DOK4: variants seen among roughly 807,000 people sequenced by gnomAD.
DOK4 encodes downstream of tyrosine kinase 4.
A neutral mutation model predicts 40.1 loss-of-function variants in DOK4; 26 were observed. That is an observed-to-expected ratio of 0.65 (90% CI 0.48 to 0.90). DOK4 has a LOEUF of 0.90. Among genes scored for constraint, DOK4 ranks in the 40% least tolerant of loss-of-function variants. The pLI, the probability that DOK4 is intolerant of heterozygous loss-of-function variation, is 0.00. For synonymous variants in DOK4, 179 were observed against 177.0 expected (o/e 1.01, Z -0.09); for missense variants, 392 against 437.2 (o/e 0.90, Z 0.92).
rs2031315599 is a variant in DOK4, at chr16:57,479,200, C to T, written c.66+242G>A. Among the ~76,000 whole-genome samples the T allele has an allele frequency of 6.6e-6, 1 of 152,248 alleles. No individual in the cohort carries two copies. Among genetic ancestry groups the T allele is most frequent in the African/African-American group, 2.4e-5 (1 of 41,462 alleles). On this transcript the variant is annotated intron_variant, in intron 2 of 8. Transcript: ENST00000340099. The surrounding 1 kb of genome is among the most constrained non-coding windows in gnomAD (Gnocchi z 5.8). ...GTGGCCACCATTGCTGCCACTACCACCACCACTGGCCCAGCTGTTGGGATG... is the reference window on the plus strand; with the variant it reads ...GTGGCCACCATTGCTGCCACTACCATCACCACTGGCCCAGCTGTTGGGATG...
At chr16:57,472,550 G>A (rs1179506604) in exon 9 of DOK4, 1 of 152,638 alleles carries the variant, frequency 6.6e-6, no homozygotes, top group East Asian at 1.9e-4. Flanking sequence ...GTCAGTGAGA[G>A]GGGGGCAGCA....
At position 57,475,965 on chromosome 16, in the gene DOK4, G is replaced by A; in HGVS notation, c.67-8C>T. On this transcript the variant is annotated splice_region_variant and splice_polypyrimidine_tract_variant and intron_variant, in intron 2 of 8. Coordinates refer to ENST00000340099, the Ensembl canonical transcript of DOK4. ...CCAGCACCTCCGGTAGATCTGTGGA[G>A]CGAGATGACAGGGCTCAGGCCTCCC... The A allele has an allele frequency of 1.2e-6, 2 of 1,610,470 alleles. No homozygotes were observed. The highest frequency in any genetic ancestry group is 1.3e-5 in the African/African-American group (1 of 74,910).
intron 1 of DOK4, among the ~76,000 whole-genome samples, chr16:57,481,262 G>A (rs1357372226): frequency 6.6e-6 from 1 of 152,154 alleles, no homozygotes; most frequent in Non-Finnish European, 1.5e-5. Context: ...ACGCAAACAA[G>A]GGAGGGGCAG....
chr16:57,484,901 C>T (rs979207020), intron 1 of DOK4, among the ~76,000 whole-genome samples: 6 of 152,268 alleles, frequency 3.9e-5, no homozygotes, highest in Admixed American at 3.3e-4. Context: ...TCTGGAATGT[C>T]AGCTCCCTGG....
intron 1 of DOK4, among the ~76,000 whole-genome samples, chr16:57,482,238 G>A (rs907229348): frequency 2.6e-5 from 4 of 151,894 alleles, no homozygotes; most frequent in Admixed American, 6.6e-5. Context: ...CACGGCTTAC[G>A]GCAGCCTCAA....
chr16:57,475,636 C>T lies in DOK4; in HGVS notation c.175-16G>A. 1 of 1,559,082 alleles carries T rather than the reference C, an allele frequency of 6.4e-7. No individual in the cohort carries two copies. Among genetic ancestry groups the T allele is most frequent in the Non-Finnish European group, 8.7e-7 (1 of 1,148,710 alleles). On this transcript the variant is annotated splice_polypyrimidine_tract_variant and intron_variant, in intron 3 of 8. Coordinates refer to ENST00000340099, the Ensembl canonical transcript of DOK4. Reference sequence around the variant, plus strand: ...TCTCAGTCACCTGGGACAGCATCCACAAGGGACTTAGCCAGGCCAGTGCAT... The same window carrying T: ...TCTCAGTCACCTGGGACAGCATCCATAAGGGACTTAGCCAGGCCAGTGCAT...
chr16:57,480,884 A>G (rs1385598496), intron 1 of DOK4, among the ~76,000 whole-genome samples: 1 of 152,240 alleles, frequency 6.6e-6, no homozygotes, highest in African/African-American at 2.4e-5. Flanking sequence ...CCTGGGGCAG[A>G]GCCAGGGATG....
chr16:57,475,051 T>C, intron 5 of DOK4, 49 bp downstream of exon 5: 3 of 1,544,890 alleles, frequency 1.9e-6, no homozygotes, highest in Non-Finnish European at 1.8e-6. Flanking sequence ...CCTCCCTTCC[T>C]CTCTTCCTCC....
At chr16:57,477,539 C>T (rs1412749426) in intron 2 of DOK4, among the ~76,000 whole-genome samples, 2 of 152,248 alleles carry the variant, frequency 1.3e-5, no homozygotes, top group African/African-American at 4.8e-5. Flanking sequence ...CCAGGGTGGG[C>T]TCCATGCAGC....
chr16:57,485,471 G>T lies in DOK4; in HGVS notation c.-182+834C>A, dbSNP rs1268750746. On this transcript the variant is annotated intron_variant, in intron 1 of 8. Transcript: ENST00000340099. This position sits in a 1 kb window ranked among gnomAD's most constrained non-coding sequence, Gnocchi z 4.3. Reference sequence around the variant, plus strand: ...TCTGAAAGGGTCCAGGAAAGAACCTGCCCTAAGCAAGCCCACCTCACACTG... The same window carrying T: ...TCTGAAAGGGTCCAGGAAAGAACCTTCCCTAAGCAAGCCCACCTCACACTG... Among the ~76,000 whole-genome samples the T allele has an allele frequency of 6.6e-6, 1 of 152,182 alleles. No individual in the cohort carries two copies. The highest frequency in any genetic ancestry group is 1.5e-5 in the Non-Finnish European group (1 of 68,018).
intron 1 of DOK4, among the ~76,000 whole-genome samples, chr16:57,483,082 G>A (rs2031460721): frequency 1.3e-5 from 2 of 152,174 alleles, no homozygotes; most frequent in Non-Finnish European, 2.9e-5. Flanking sequence ...AGGGACCCCT[G>A]GCCACACTTA....
At chr16:57,474,764 G>T (rs1454724816) in intron 6 of DOK4, 29 bp downstream of exon 6, 1 of 1,608,442 alleles carries the variant, frequency 6.2e-7, no homozygotes, top group East Asian at 2.2e-5. Flanking sequence ...ACCATAGTAG[G>T]ACAGGGCTGG....
chr16:57,472,086 C>T (rs369833541), exon 9 of DOK4: 3 of 152,882 alleles, frequency 2.0e-5, no homozygotes, highest in African/African-American at 7.2e-5. Flanking sequence ...ACCCCAGTTC[C>T]CCTCTACAGG....
chr16:57,478,921 A>T (rs1435578000), intron 2 of DOK4, among the ~76,000 whole-genome samples: 1 of 152,198 alleles, frequency 6.6e-6, no homozygotes, highest in Non-Finnish European at 1.5e-5. Context: ...CTTTAACATT[A>T]AACTCGACAA....
At chr16:57,475,139 G>T in exon 5 of DOK4, 1 of 1,613,928 alleles carries the variant, frequency 6.2e-7, no homozygotes, top group Non-Finnish European at 8.5e-7. Context: ...AGGAGGTCAG[G>T]TTCTCCCAGA....
exon 9 of DOK4, chr16:57,472,926 TCTGATTATCCCCCTC>T (rs568585755): frequency 1.2e-5 from 2 of 160,740 alleles, no homozygotes; most frequent in Admixed American, 6.1e-5. Context: ...AGCCTCAAGC[TCTGATTATCCCCCTC>T]CTGTGGCCCT....
At chr16:57,472,483 A>G (rs2146610639) in exon 9 of DOK4, 1 of 152,822 alleles carries the variant, frequency 6.5e-6, no homozygotes. Context: ...TTGGCTGGCC[A>G]GAGGGTGGCC....
rs1452503335 is a variant in DOK4, at chr16:57,479,176, T to C, written c.66+266A>G. Among the ~76,000 whole-genome samples, 1 of 152,202 alleles carries C rather than the reference T, an allele frequency of 6.6e-6. No individual in the cohort carries two copies. Among genetic ancestry groups the C allele is most frequent in the Admixed American group, 6.5e-5 (1 of 15,288 alleles). On this transcript the variant is annotated intron_variant, in intron 2 of 8. Transcript: ENST00000340099. This position sits in a 1 kb window ranked among gnomAD's most constrained non-coding sequence, Gnocchi z 5.8. ...AGCAGGGGAGCCGCCTGCCCATCGG[T>C]GGCCACCATTGCTGCCACTACCACC...
exon 7 of DOK4, chr16:57,473,951 T>C (rs765098225): frequency 6.2e-7 from 1 of 1,613,638 alleles, no homozygotes; most frequent in East Asian, 2.2e-5. Context: ...TGCTCTGCGA[T>C]GGCCAGGGTG....
Sources: allele counts gnomAD v4.1 joint callset (sites outside exome capture counted in the v4.1 genomes callset), GRCh38; gene constraint gnomAD v4.1.1; non-coding constraint Gnocchi (gnomAD v3.1); transcripts MANE v1.5; gene names NCBI Gene and HGNC (gene_info 2026-07-23, HGNC 2026-07-21).